The following SAP130 variants were observed in gnomAD, a reference collection of about 807,000 sequenced individuals.
The protein encoded by SAP130 is Sin3A associated protein 130, also known as histone deacetylase complex subunit SAP130.
A neutral mutation model predicts 103.2 loss-of-function variants in SAP130; 16 were observed. The ratio of observed to expected loss-of-function variants is 0.16; its 90% confidence interval spans 0.10 to 0.24. SAP130 has a LOEUF of 0.24. Ranked by LOEUF, SAP130 falls within the 10% of genes least tolerant of loss-of-function variation. SAP130 has a pLI of 1.00. For synonymous variants in SAP130, 477 were observed against 497.0 expected (o/e 0.96, Z 0.53); for missense variants, 990 against 1,359.7 (o/e 0.73, Z 4.28).
intron 5 of SAP130, 134 bp downstream of exon 5, chr2:128,014,669 G>A (rs1006319315): frequency 4.7e-6 from 3 of 633,532 alleles, no homozygotes; most frequent in Admixed American, 5.8e-5. Context: ...AGGTTTATTT[G>A]GTTCACGGTT....
At position 128,007,720 on chromosome 2, in the gene SAP130, A is replaced by G. The variant is rs1684072320; in HGVS notation, c.869+2549T>C. On this transcript the variant is annotated intron_variant, in intron 7 of 20. Coordinates refer to ENST00000643581, the MANE Select transcript of SAP130 (RefSeq NM_001330301.2). ...AAGTAGATAACAGAGCTAATGGCTT[A>G]AGATAAGTTCCAGGTATTGCTGTTC... is the stretch of plus-strand genomic sequence containing the variant. Among the ~76,000 whole-genome samples, 3 of 152,208 alleles carry G rather than the reference A, an allele frequency of 2.0e-5. No individual in the cohort carries two copies. The South Asian group carries it at 6.2e-4, about 32-fold the overall frequency.
At chr2:127,976,491 AT>A (rs988558666) in intron 15 of SAP130, among the ~76,000 whole-genome samples, 3 of 151,886 alleles carry the variant, frequency 2.0e-5, no homozygotes, top group African/African-American at 4.8e-5. Flanking sequence ...GGCATTCACA[AT>A]TTTTTTTTCT....
intron 15 of SAP130, among the ~76,000 whole-genome samples, chr2:127,970,411 C>T (rs1340932551): frequency 1.3e-5 from 2 of 151,106 alleles, no homozygotes; most frequent in African/African-American, 4.9e-5. Flanking sequence ...CATGGTGATG[C>T]GTGCCTGTAA....
chr2:128,019,526 T>C (rs1447873184), intron 2 of SAP130, among the ~76,000 whole-genome samples: 2 of 152,102 alleles, frequency 1.3e-5, no homozygotes, highest in African/African-American at 2.4e-5. Flanking sequence ...ACCTCTGGCC[T>C]CCCAAAGTGC....
intron 19 of SAP130, among the ~76,000 whole-genome samples, chr2:127,943,110 C>T (rs1381077806): frequency 1.3e-5 from 2 of 152,200 alleles, no homozygotes; most frequent in South Asian, 2.1e-4. Flanking sequence ...TTGAATACTG[C>T]CTTGAATCCA....
At chr2:127,983,779 G>A (rs1682135080) in intron 14 of SAP130, among the ~76,000 whole-genome samples, 2 of 149,006 alleles carry the variant, frequency 1.3e-5, no homozygotes, top group African/African-American at 2.5e-5. Flanking sequence ...CTGTAACCAG[G>A]AAACTCATTT....
intron 15 of SAP130, among the ~76,000 whole-genome samples, chr2:127,970,541 TAA>T (rs70985493): frequency 6.2e-5 from 5 of 80,006 alleles, no homozygotes; most frequent in Admixed American, 3.6e-4. Context: ...GACTCTGTCT[TAA>T]AAAAAAAAAA....
intron 15 of SAP130, among the ~76,000 whole-genome samples, chr2:127,961,817 G>A (rs961554054): frequency 6.6e-6 from 1 of 152,072 alleles, no homozygotes; most frequent in Non-Finnish European, 1.5e-5. Flanking sequence ...TCTACACTAA[G>A]GAATTTGGGG....
At chr2:127,950,500 A>C in intron 16 of SAP130, 92 bp from the exon 17 acceptor site, 1 of 1,417,856 alleles carries the variant, frequency 7.1e-7, no homozygotes, top group Non-Finnish European at 9.7e-7. Context: ...GATTAAGAAG[A>C]CAGCACAGAG....
rs374677856 is a variant in SAP130, at chr2:127,999,720, C to T, written c.1213+21G>A. The T allele has an allele frequency of 1.7e-5, 25 of 1,438,414 alleles. 1 individual carries two copies. Among genetic ancestry groups the T allele is most frequent in the Admixed American group, 2.3e-5 (1 of 42,600 alleles). The allele number at this position is 1,438,414 out of a possible 1,614,324, so 89.1% of individuals were successfully genotyped here. The stretch of plus-strand genomic sequence containing the variant: ...ACAGCACTCCTGGTAAGCTTCTGTC[C>T]GAAGGCAGCAGGCCACTTACCGACT... On this transcript the variant is annotated intron_variant, in intron 10 of 20. Transcript: ENST00000643581.
At position 128,027,469 on chromosome 2, in the gene SAP130, G is replaced by A. The variant is rs1178668467; in HGVS notation, c.-7+471C>T. On this transcript the variant is annotated intron_variant, in intron 1 of 20. Coordinates refer to ENST00000643581, the MANE Select transcript of SAP130 (RefSeq NM_001330301.2). ...GCCGGGGCAGCCCAAACCCCTCGAG[G>A]CTGAGCCAATGGCAGAGGAAGACAG... The A allele has an allele frequency of 5.2e-6, 5 of 964,078 alleles. No homozygotes were observed. The African/African-American group carries it at 8.8e-5, about 17-fold the overall frequency. 59.7% of individuals were successfully genotyped at this position (964,078 alleles called of 1,614,324 possible). A position where few individuals can be genotyped will look rare whatever the true frequency, so the allele number is the denominator to read the frequency against.
chr2:127,948,584 C>T (rs1679287969), intron 18 of SAP130, among the ~76,000 whole-genome samples: 1 of 151,830 alleles, frequency 6.6e-6, no homozygotes, highest in African/African-American at 2.4e-5. Flanking sequence ...TCCAGTGATC[C>T]GCCCGCCTCG....
chr2:127,947,039 G>A (rs1679134799), intron 18 of SAP130, among the ~76,000 whole-genome samples: 1 of 150,840 alleles, frequency 6.6e-6, no homozygotes, highest in African/African-American at 2.4e-5. Flanking sequence ...GAGAGAGAGA[G>A]AAAGGAGGAT....
intron 18 of SAP130, among the ~76,000 whole-genome samples, chr2:127,947,153 C>G (rs2104702831): frequency 6.6e-6 from 1 of 151,908 alleles, no homozygotes; most frequent in South Asian, 2.1e-4. Flanking sequence ...CTGGCAATCA[C>G]AAGAAACCAA....
intron 15 of SAP130, among the ~76,000 whole-genome samples, chr2:127,964,508 A>T (rs1236141441): frequency 6.6e-6 from 1 of 150,942 alleles, no homozygotes; most frequent in Non-Finnish European, 1.5e-5. Context: ...AAAAAAAAAA[A>T]AAAAAAAAAA....
chr2:127,995,364 C>T (rs548291288), intron 11 of SAP130, among the ~76,000 whole-genome samples: 3 of 151,966 alleles, frequency 2.0e-5, no homozygotes, highest in African/African-American at 4.8e-5. Flanking sequence ...GGGGATGGGG[C>T]GAAATCCACA....
In SAP130 at chr2:127,941,920, T is replaced by C; in HGVS notation, c.*86A>G. 1 of 886,504 alleles carries C rather than the reference T, an allele frequency of 1.1e-6. No homozygotes were observed. The highest frequency in any genetic ancestry group is 1.4e-5 in the South Asian group (1 of 70,504). 54.9% of individuals were successfully genotyped at this position (886,504 alleles called of 1,614,324 possible). A position where few individuals can be genotyped will look rare whatever the true frequency, so the allele number is the denominator to read the frequency against. ...AGGAACACTTCCTTTATTTCAATGT[T>C]CCACTTTGGAAAAAACCAAAACCCT... On this transcript the variant is annotated 3_prime_UTR_variant, in exon 21 of 21. Coordinates refer to ENST00000643581, the MANE Select transcript of SAP130 (RefSeq NM_001330301.2).
At chr2:127,964,723 C>A (rs144215472) in intron 15 of SAP130, among the ~76,000 whole-genome samples, 11 of 152,020 alleles carry the variant, frequency 7.2e-5, no homozygotes, top group Admixed American at 2.0e-4. Flanking sequence ...ACTGGCTGGG[C>A]GTGGTGGCTC....
At chr2:128,014,963 A>G in intron 4 of SAP130, 49 bp from the exon 5 acceptor site, 6 of 1,515,228 alleles carry the variant, frequency 4.0e-6, no homozygotes, top group Non-Finnish European at 5.5e-6. Flanking sequence ...GCTCTTAGCC[A>G]TTGCCTCTAG....
Sources: allele counts gnomAD v4.1 joint callset (sites outside exome capture counted in the v4.1 genomes callset), GRCh38; gene constraint gnomAD v4.1.1; transcripts MANE v1.5; gene names NCBI Gene and HGNC (gene_info 2026-07-23, HGNC 2026-07-21).